RAP1GDS1: variants seen among roughly 807,000 people sequenced by gnomAD.
RAP1GDS1 encodes the protein Rap1 GTPase-GDP dissociation stimulator 1, also known as RAP1, GTP-GDP dissociation stimulator 1.
RAP1GDS1 carries 35 observed loss-of-function variants against 71.1 expected under a neutral mutation model. The ratio of observed to expected loss-of-function variants is 0.49; its 90% CI spans 0.38 to 0.65. The LOEUF is 0.65. RAP1GDS1 is among the 30% of genes least tolerant of loss of function. The pLI, the probability that RAP1GDS1 is intolerant of heterozygous loss-of-function variation, is 0.00. For synonymous variants in RAP1GDS1, 229 were observed against 243.1 expected (o/e 0.94, Z 0.54); for missense variants, 663 against 706.1 (o/e 0.94, Z 0.69).
At chr4:98,292,855 G>C (rs1423008594) in intron 1 of RAP1GDS1, among the ~76,000 whole-genome samples, 2 of 152,116 alleles carry the variant, frequency 1.3e-5, no homozygotes, top group Non-Finnish European at 2.9e-5. Context: ...TAGGAAGAAA[G>C]CATAGCTTTA....
intron 6 of RAP1GDS1, among the ~76,000 whole-genome samples, chr4:98,401,332 A>G (rs980674946): frequency 6.6e-6 from 1 of 152,244 alleles, no homozygotes; most frequent in Non-Finnish European, 1.5e-5. Context: ...TGTATTACTG[A>G]AACACAACTA....
chr4:98,365,557 A>G (rs549887375), intron 4 of RAP1GDS1, among the ~76,000 whole-genome samples: 1 of 152,102 alleles, frequency 6.6e-6, no homozygotes, highest in East Asian at 1.9e-4. Context: ...TGGGAGATCG[A>G]GGCTGCAGTG....
chr4:98,268,934 T>C (rs1723060369), intron 1 of RAP1GDS1, among the ~76,000 whole-genome samples: 2 of 152,052 alleles, frequency 1.3e-5, no homozygotes, highest in South Asian at 4.1e-4. Flanking sequence ...AGTGAAACTT[T>C]TCACAGAAAT....
At chr4:98,415,586 A>C (rs1260065263) in intron 7 of RAP1GDS1, among the ~76,000 whole-genome samples, 1 of 152,184 alleles carries the variant, frequency 6.6e-6, no homozygotes, top group Non-Finnish European at 1.5e-5. Flanking sequence ...TATGGAGGCA[A>C]ATATAAGCTC....
chr4:98,434,074 A>C lies in RAP1GDS1; in HGVS notation c.1567+12A>C. On this transcript the variant is annotated intron_variant, in intron 13 of 14. Coordinates refer to ENST00000408927, the MANE Select transcript of RAP1GDS1 (RefSeq NM_001100427.2). Reference sequence around the variant, plus strand: ...AGCTTTAGAATTGGGTAAGTACCCCAGTGACAAACTTATTTTCTTCTATTT... The same window carrying C: ...AGCTTTAGAATTGGGTAAGTACCCCCGTGACAAACTTATTTTCTTCTATTT... 2.5e-6 allele frequency: 4 copies of C among 1,610,814 alleles called. No homozygotes were observed. The highest frequency in any genetic ancestry group is 3.4e-6 in the Non-Finnish European group (4 of 1,177,474).
chr4:98,317,881 G>T (rs1191962622), intron 2 of RAP1GDS1, among the ~76,000 whole-genome samples: 1 of 139,828 alleles, frequency 7.2e-6, no homozygotes, highest in African/African-American at 2.7e-5. Context: ...TTGCTCTGTC[G>T]CCCAGGCCGG....
intron 2 of RAP1GDS1, among the ~76,000 whole-genome samples, chr4:98,298,150 C>G (rs1195959462): frequency 6.6e-6 from 1 of 152,168 alleles, no homozygotes; most frequent in Non-Finnish European, 1.5e-5. Context: ...AAAAGTTGGA[C>G]ACTAGCAGAG....
At chr4:98,350,510 CAGCCAGGG>C (rs1737010545) in intron 3 of RAP1GDS1, among the ~76,000 whole-genome samples, 1 of 151,914 alleles carries the variant, frequency 6.6e-6, no homozygotes, top group South Asian at 2.1e-4. Context: ...AGTTCGACAC[CAGCCAGGG>C]CAGCATAGTG....
At chr4:98,391,925 G>A (rs1474721299) in intron 5 of RAP1GDS1, 27 bp from the exon 6 acceptor site, 2 of 1,545,934 alleles carry the variant, frequency 1.3e-6, no homozygotes, top group African/African-American at 2.8e-5. Flanking sequence ...TTTCTTTTCT[G>A]TTGTTGTTTT....
intron 4 of RAP1GDS1, among the ~76,000 whole-genome samples, chr4:98,372,028 T>G (rs1740458358): frequency 6.6e-6 from 1 of 152,128 alleles, no homozygotes; most frequent in African/African-American, 2.4e-5. Context: ...TTTCTTTTTT[T>G]CTCCCACAAA....
intron 2 of RAP1GDS1, among the ~76,000 whole-genome samples, chr4:98,341,788 A>C (rs1252131556): frequency 6.6e-6 from 1 of 152,206 alleles, no homozygotes; most frequent in Non-Finnish European, 1.5e-5. Flanking sequence ...CAGTAAAATA[A>C]ACTGGAGTGT....
intron 12 of RAP1GDS1, among the ~76,000 whole-genome samples, chr4:98,428,680 T>TA (rs1340609401): frequency 1.3e-5 from 2 of 151,768 alleles, no homozygotes; most frequent in Non-Finnish European, 2.9e-5. Flanking sequence ...CATAATCAAA[T>TA]AAAAAAATAA....
chr4:98,280,616 A>C (rs1389162063), intron 1 of RAP1GDS1, among the ~76,000 whole-genome samples: 1 of 152,050 alleles, frequency 6.6e-6, no homozygotes, highest in South Asian at 2.1e-4. Flanking sequence ...TAGTTTAATT[A>C]GATCCCATTT....
intron 7 of RAP1GDS1, among the ~76,000 whole-genome samples, chr4:98,413,290 T>G (rs920877101): frequency 3.7e-4 from 57 of 152,086 alleles, no homozygotes; most frequent in Admixed American, 3.0e-3. Flanking sequence ...TACATATGTA[T>G]ACATGTGCCA....
intron 5 of RAP1GDS1, among the ~76,000 whole-genome samples, chr4:98,390,992 G>GA (rs761411337): frequency 6.6e-6 from 1 of 152,074 alleles, no homozygotes; most frequent in Non-Finnish European, 1.5e-5. Flanking sequence ...ATTTTAATGA[G>GA]AAAAAAATTT....
chr4:98,421,757 G>A (rs549258232), intron 12 of RAP1GDS1, among the ~76,000 whole-genome samples: 7 of 152,264 alleles, frequency 4.6e-5, no homozygotes, highest in African/African-American at 1.7e-4. Context: ...ATCCATTCTT[G>A]TGGCTGGCTG....
chr4:98,420,192 A>C (rs765762970), intron 11 of RAP1GDS1, 48 bp downstream of exon 11: 1 of 1,412,102 alleles, frequency 7.1e-7, no homozygotes, highest in South Asian at 1.8e-5. Context: ...TGATAGTCTT[A>C]ATGTGCCTCT....
intron 2 of RAP1GDS1, among the ~76,000 whole-genome samples, chr4:98,317,207 T>C (rs908452039): frequency 3.9e-5 from 6 of 152,140 alleles, no homozygotes; most frequent in African/African-American, 1.2e-4. Context: ...TTCCCTCTTA[T>C]CTTAGAACAT....
intron 2 of RAP1GDS1, among the ~76,000 whole-genome samples, chr4:98,334,515 C>A (rs72896338): frequency 2.6e-5 from 4 of 152,054 alleles, no homozygotes; most frequent in African/African-American, 9.7e-5. Flanking sequence ...GCAGGGAAAT[C>A]GTTTAGTGTG....
Sources: gnomAD v4.1 joint callset for allele counts (sites outside exome capture counted in the v4.1 genomes callset) on GRCh38, gnomAD v4.1.1 for gene constraint, MANE v1.5 for transcripts, NCBI Gene and HGNC (gene_info 2026-07-23, HGNC 2026-07-21) for gene names.